The following LGI2 variants were observed in gnomAD, a reference collection of about 807,000 sequenced individuals.
LGI2 encodes the protein leucine rich repeat LGI family member 2.
A neutral mutation model predicts 52.0 loss-of-function variants in LGI2; 30 were observed. The observed-to-expected ratio is 0.58, with a 90% confidence interval of 0.43 to 0.78. The LOEUF (loss-of-function observed/expected upper bound fraction) is 0.78. LGI2 is among the 30% of genes least tolerant of loss of function. The pLI is 0.00. For missense variants in LGI2, 573 were observed against 692.5 expected (o/e 0.83, Z 1.94); for synonymous variants, 270 against 271.8 (o/e 0.99, Z 0.06).
chr4:25,018,271 C>T (rs1725836769), intron 5 of LGI2, 113 bp from the exon 6 acceptor site: 2 of 721,166 alleles, frequency 2.8e-6, no homozygotes, highest in African/African-American at 1.8e-5. Context: ...ATTTAAAACC[C>T]CCTAAAAATG....
intron 1 of LGI2, 23 bp downstream of exon 1, chr4:25,030,474 G>A: frequency 1.9e-6 from 3 of 1,567,290 alleles, no homozygotes; most frequent in Non-Finnish European, 2.6e-6. Flanking sequence ...GGACGGGATG[G>A]GGGCTGGAGG....
intron 3 of LGI2, among the ~76,000 whole-genome samples, chr4:25,026,045 A>C (rs1257841784): frequency 6.6e-6 from 1 of 152,064 alleles, no homozygotes; most frequent in Non-Finnish European, 1.5e-5. Context: ...TGGAGAAAGA[A>C]TTCCTCCAGG....
rs1284219704 is a variant in LGI2 at position 25,030,796 on chromosome 4, C to A, written c.-103G>T. 3.1e-5 allele frequency: 19 copies of A among 604,456 alleles called. No homozygotes were observed. The East Asian group carries it at 1.3e-3, about 41-fold the overall frequency. 37.4% of individuals were successfully genotyped at this position (604,456 alleles called of 1,614,324 possible). ...CGGGCGCCGCTCGCTGCTCTGCCGC[C>A]GCCGCTGCTGGCGAGGACTAGGGAG... On this transcript the variant is annotated 5_prime_UTR_variant, in exon 1 of 8. Transcript: ENST00000382114.
Position 25,003,781 on chromosome 4 carries a change from A to C in LGI2, c.1308T>G (p.Leu436=), listed in dbSNP as rs1028452429. 2.5e-6 allele frequency: 4 copies of C among 1,614,198 alleles called. No homozygotes were observed. The highest frequency in any genetic ancestry group is 3.4e-6 in the Non-Finnish European group (4 of 1,180,028). ...FRMQNTLYLS[L]TRFIGDSRVM... ...CCCGGGAGTCCCCGATGAAGCGGGT[A>C]AGGGAAAGGTAGAGGGTATTTTGCA... The change falls in exon 8 of 8, where the codon CTT becomes CTG. Residue 436 remains leucine, a synonymous_variant. Transcript: ENST00000382114.
Position 25,003,563 on chromosome 4 carries a change from G to A in LGI2, c.1526C>T (p.Ala509Val), listed in dbSNP as rs755540368. The change falls in exon 8 of 8, where the codon GCG (alanine) becomes GTG (valine). Residue 509 changes from alanine to valine, a missense_variant. Ala to Val is a moderately conservative substitution (Grantham distance 64, BLOSUM62 0). Transcript: ENST00000382114. ...FKKFKEIYVQAPRSFTAVSTD... is the reference protein window; with the variant it reads ...FKKFKEIYVQVPRSFTAVSTD... ...GGAGACAGCTGTGAATGAACGAGGC[G>A]CCTGCACGTAAATCTCCTTAAACTT... 1.2e-5 allele frequency: 20 copies of A among 1,613,808 alleles called. No homozygotes were observed. Among genetic ancestry groups the A allele is most frequent in the South Asian group, 4.4e-5 (4 of 91,072 alleles).
chr4:25,011,706 A>C (rs151052402), intron 7 of LGI2, among the ~76,000 whole-genome samples: 1 of 152,220 alleles, frequency 6.6e-6, no homozygotes, highest in Non-Finnish European at 1.5e-5. Flanking sequence ...TTGATAAATG[A>C]GGAGTCTTTC....
intron 3 of LGI2, among the ~76,000 whole-genome samples, chr4:25,025,354 G>C (rs919860773): frequency 3.3e-5 from 5 of 152,224 alleles, no homozygotes; most frequent in Admixed American, 3.3e-4. Flanking sequence ...TTTTTTGCTG[G>C]GGGAGAGTTC....
At chr4:25,023,289 G>A (rs1726033671) in intron 4 of LGI2, among the ~76,000 whole-genome samples, 1 of 152,148 alleles carries the variant, frequency 6.6e-6, no homozygotes, top group Non-Finnish European at 1.5e-5. Context: ...GCCTATCCAA[G>A]CCTATACGAC....
At chr4:24,992,378 G>C in the LGI2 span, among the ~76,000 whole-genome samples, 128 of 152,164 alleles carry the variant, frequency 8.4e-4, no homozygotes, top group African/African-American at 3.1e-3. Flanking sequence ...CCACATCAGT[G>C]ACTACTGGCT....
At chr4:25,009,941 T>C (rs1395039805) in intron 7 of LGI2, among the ~76,000 whole-genome samples, 1 of 152,200 alleles carries the variant, frequency 6.6e-6, no homozygotes, top group African/African-American at 2.4e-5. Flanking sequence ...GCCAGAGTTT[T>C]ATCTAGTTTA....
chr4:25,026,578 A>G (rs1011921343), intron 3 of LGI2, among the ~76,000 whole-genome samples: 1 of 152,144 alleles, frequency 6.6e-6, no homozygotes, highest in Non-Finnish European at 1.5e-5. Flanking sequence ...AAAATATCCA[A>G]CGCAACTTCC....
At position 25,001,669 on chromosome 4, in the gene LGI2, C is replaced by T. The variant is rs1577542621; in HGVS notation, c.*1782G>A. On this transcript the variant is annotated 3_prime_UTR_variant, in exon 8 of 8. Coordinates refer to ENST00000382114, the MANE Select transcript of LGI2 (RefSeq NM_018176.4). ...AGTTTCAAGTAACAACACTACTATG[C>T]GTGGGTGAGTTCGTTCATTAAAATC... The T allele has an allele frequency of 1.3e-5, 2 of 151,772 alleles. No individual in the cohort carries two copies. The highest frequency in any genetic ancestry group is 2.1e-4 in the South Asian group (1 of 4,772). The allele number at this position is 151,772 out of a possible 1,614,324, so 9.4% of individuals were successfully genotyped here. A position where few individuals can be genotyped will look rare whatever the true frequency, so the allele number is the denominator to read the frequency against.
chr4:25,001,515 T>C lies in LGI2; in HGVS notation c.*1936A>G, dbSNP rs1021003066. On this transcript the variant is annotated 3_prime_UTR_variant, in exon 8 of 8. Coordinates refer to ENST00000382114, the MANE Select transcript of LGI2 (RefSeq NM_018176.4). ...AAGCTCTTTCCCTTTCAGCCTCCAATGGGGGGACCTGGGCATTTGTAGCCT... is the reference window on the plus strand; with the variant it reads ...AAGCTCTTTCCCTTTCAGCCTCCAACGGGGGGACCTGGGCATTTGTAGCCT... 1 of 151,930 alleles carries C rather than the reference T, an allele frequency of 6.6e-6. No homozygotes were observed. Among genetic ancestry groups the C allele is most frequent in the African/African-American group, 2.4e-5 (1 of 41,342 alleles). The allele number at this position is 151,930 out of a possible 1,614,324, so 9.4% of individuals were successfully genotyped here.
the LGI2 span, among the ~76,000 whole-genome samples, chr4:24,992,501 G>T: frequency 6.6e-6 from 1 of 151,866 alleles, no homozygotes; most frequent in Admixed American, 6.6e-5. Context: ...ATTGCCTGAG[G>T]TCAGGAGTTT....
At chr4:24,992,779 A>AC in the LGI2 span, among the ~76,000 whole-genome samples, 1 of 151,438 alleles carries the variant, frequency 6.6e-6, no homozygotes, top group African/African-American at 2.4e-5. Context: ...AGACCCCCTC[A>AC]CCCTCTTGTG....
At chr4:25,013,897 A>G (rs559119070) in intron 6 of LGI2, among the ~76,000 whole-genome samples, 35 of 152,336 alleles carry the variant, frequency 2.3e-4, no homozygotes, top group African/African-American at 8.2e-4. Flanking sequence ...TGGCACTAGC[A>G]GTGCCAACAG....
At position 25,023,634 on chromosome 4, in the gene LGI2, G is replaced by A. The variant is rs1726047756; in HGVS notation, c.413+1186C>T. ...CACTGTACCAGTCAGGGTTACACAT[G>A]CTGAAGGTACTACCATCCCTGCCCA... On this transcript the variant is annotated intron_variant, in intron 4 of 7. Transcript: ENST00000382114. Among the ~76,000 whole-genome samples, 3 of 152,312 alleles carry A rather than the reference G, an allele frequency of 2.0e-5. No individual in the cohort carries two copies. In the South Asian group the frequency reaches 6.2e-4, roughly 32 times the overall value.
chr4:25,015,664 C>T lies in LGI2; in HGVS notation c.655+2325G>A, dbSNP rs1018513129. ...CGATCACTGTACCATGAACTCTCGACCTTTGGCTTTCCATTTTCCCTCCAT... is the reference window on the plus strand; with the variant it reads ...CGATCACTGTACCATGAACTCTCGATCTTTGGCTTTCCATTTTCCCTCCAT... On this transcript the variant is annotated intron_variant, in intron 6 of 7. Transcript: ENST00000382114. Among the ~76,000 whole-genome samples the T allele has an allele frequency of 4.6e-5, 7 of 152,278 alleles. No individual in the cohort carries two copies. The East Asian group carries it at 7.7e-4, about 17-fold the overall frequency.
At position 25,024,861 on chromosome 4, in the gene LGI2, A is replaced by C; in HGVS notation, c.372T>G (p.Ile124Met). Residue 124 changes from isoleucine to methionine, a missense_variant, in exon 4 of 8, where the codon ATT (isoleucine) becomes ATG (methionine). By Grantham distance (10) the Ile-to-Met change is conservative. Coordinates refer to ENST00000382114, the MANE Select transcript of LGI2 (RefSeq NM_018176.4). Reference sequence around the variant, plus strand: ...GGAGGCCACGAAAGGCATTTCTTGAAATGGTTTCTATTTTGTTCCCTTCAA... The same window carrying C: ...GGAGGCCACGAAAGGCATTTCTTGACATGGTTTCTATTTTGTTCCCTTCAA... ...LFIEGNKIET[I>M]SRNAFRGLRD... The C allele has an allele frequency of 6.2e-7, 1 of 1,608,586 alleles. No individual in the cohort carries two copies. The highest frequency in any genetic ancestry group is 2.2e-5 in the East Asian group (1 of 44,790).
Sources: allele counts gnomAD v4.1 joint callset (sites outside exome capture counted in the v4.1 genomes callset), GRCh38; gene constraint gnomAD v4.1.1; transcripts MANE v1.5; gene names NCBI Gene and HGNC (gene_info 2026-07-23, HGNC 2026-07-21).